BPHL: variants seen among roughly 807,000 people sequenced by gnomAD.
BPHL encodes biphenyl hydrolase like, also known as serine hydrolase BPHL.
A neutral mutation model predicts 31.2 loss-of-function variants in BPHL; 27 were observed. The observed-to-expected ratio is 0.87, with a 90% CI of 0.64 to 1.19. The LOEUF (loss-of-function observed/expected upper bound fraction) is 1.19. Ranked by LOEUF, BPHL falls within the 50% of genes most tolerant of loss-of-function variation. BPHL has a pLI of 0.00. For missense variants in BPHL, 356 were observed against 375.7 expected (o/e 0.95, Z 0.43); for synonymous variants, 150 against 146.8 (o/e 1.02, Z -0.16).
chr6:3,118,706 C>T (rs1212625895), upstream of BPHL: 4 of 1,249,868 alleles, frequency 3.2e-6, no homozygotes, highest in African/African-American at 1.6e-5. Flanking sequence ...GGTCTTAGCG[C>T]ATGCGCACTC....
intron 6 of BPHL, among the ~76,000 whole-genome samples, chr6:3,147,365 G>A (rs1762413169): frequency 6.6e-6 from 1 of 152,184 alleles, no homozygotes; most frequent in South Asian, 2.1e-4. Flanking sequence ...AGAGGACATT[G>A]GGGCATAGCT....
intron 3 of BPHL, among the ~76,000 whole-genome samples, chr6:3,128,383 T>C (rs1306292176): frequency 2.6e-5 from 4 of 152,224 alleles, no homozygotes; most frequent in African/African-American, 9.6e-5. Context: ...TTACACCATT[T>C]TATGGTCCGG....
chr6:3,135,910 C>A lies in BPHL; in HGVS notation c.533-1452C>A, dbSNP rs540217542. On this transcript the variant is annotated intron_variant, in intron 4 of 6. Coordinates refer to ENST00000380379, the MANE Select transcript of BPHL (RefSeq NM_004332.4). ...ACCACAGGATCATACCAGGTTGGGG[C>A]CATTTTTAGCTCAGCTTGATCCAGG... Among the ~76,000 whole-genome samples the A allele has an allele frequency of 2.6e-5, 4 of 152,286 alleles. No homozygotes were observed. In the East Asian group the frequency reaches 7.7e-4, roughly 29 times the overall value.
At chr6:3,150,222 T>A (rs1762483979) in intron 6 of BPHL, 1 of 152,168 alleles carries the variant, frequency 6.6e-6, no homozygotes, top group Non-Finnish European at 1.5e-5. Context: ...GTTACATTGA[T>A]CCAAGGTGAA....
At chr6:3,129,321 G>A (rs1761805261) in intron 4 of BPHL, 123 bp downstream of exon 4, 1 of 1,265,012 alleles carries the variant, frequency 7.9e-7, no homozygotes, top group African/African-American at 1.5e-5. Flanking sequence ...CAACTCTCAG[G>A]TAGGAAGAAT....
rs143248290 is a variant in BPHL, at chr6:3,122,761, C to T, written c.108-896C>T. ...AGTTGACACAGACATATTTTAACATCTTAAAAAACAGTAGGATTTATCCGT... is the reference window on the plus strand; with the variant it reads ...AGTTGACACAGACATATTTTAACATTTTAAAAAACAGTAGGATTTATCCGT... On this transcript the variant is annotated intron_variant, in intron 1 of 6. Transcript: ENST00000380379. Among the ~76,000 whole-genome samples, 589 of 152,286 alleles carry T rather than the reference C, an allele frequency of 3.9e-3. 6 individuals are homozygous for T. Among genetic ancestry groups the T allele is most frequent in the African/African-American group, 0.013 (554 of 41,554 alleles).
Position 3,118,949 on chromosome 6 carries a change from C to T in BPHL, c.107+102C>T, listed in dbSNP as rs183259437. ...AGCAGGAGTTCCCGGCGCGCGGGCA[C>T]GGGGCGTGGGCGCGGCCTGGCTGCC... On this transcript the variant is annotated intron_variant, in intron 1 of 6. Coordinates refer to ENST00000380379, the MANE Select transcript of BPHL (RefSeq NM_004332.4). 3.5e-3 allele frequency: 3,499 copies of T among 1,006,390 alleles called. 15 individuals carry two copies. Among genetic ancestry groups the T allele is most frequent in the Middle Eastern group, 8.6e-3 (24 of 2,786 alleles). 62.3% of individuals were successfully genotyped at this position (1,006,390 alleles called of 1,614,324 possible). A position where few individuals can be genotyped will look rare whatever the true frequency, so the allele number is the denominator to read the frequency against.
chr6:3,135,838 C>G (rs969643569), intron 4 of BPHL, among the ~76,000 whole-genome samples: 2 of 152,150 alleles, frequency 1.3e-5, no homozygotes, highest in Non-Finnish European at 2.9e-5. Context: ...GAGCATAAAT[C>G]GAGAGCGCTT....
At chr6:3,121,520 G>A (rs1761575305) in intron 1 of BPHL, among the ~76,000 whole-genome samples, 1 of 152,004 alleles carries the variant, frequency 6.6e-6, no homozygotes, top group Admixed American at 6.6e-5. Context: ...GGGCAGGATG[G>A]TCTTGATCTC....
chr6:3,132,430 G>A (rs1212319425), intron 4 of BPHL, among the ~76,000 whole-genome samples: 5 of 152,118 alleles, frequency 3.3e-5, no homozygotes, highest in African/African-American at 1.2e-4. Flanking sequence ...CACCCTCAGT[G>A]CTCTGCTCCC....
At chr6:3,141,788 AC>A (rs1364948298) in intron 6 of BPHL, among the ~76,000 whole-genome samples, 8 of 152,032 alleles carry the variant, frequency 5.3e-5, no homozygotes, top group Non-Finnish European at 8.8e-5. Flanking sequence ...AGCCTAGCCA[AC>A]ATGGCGAAAC....
intron 1 of BPHL, among the ~76,000 whole-genome samples, chr6:3,120,078 A>G (rs754816197): frequency 1.3e-5 from 2 of 151,804 alleles, no homozygotes; most frequent in African/African-American, 2.4e-5. Context: ...TCTTTTGCCC[A>G]TGCTGGAGTG....
intron 5 of BPHL, 24 bp downstream of exon 5, chr6:3,137,517 T>A: frequency 6.2e-7 from 1 of 1,613,386 alleles, no homozygotes; most frequent in Non-Finnish European, 8.5e-7. Context: ...CTTGAAGGGC[T>A]CTCTGCCTGT....
At chr6:3,137,591 C>T (rs1465788068) in intron 5 of BPHL, 98 bp downstream of exon 5, 7 of 1,515,314 alleles carry the variant, frequency 4.6e-6, no homozygotes, top group East Asian at 2.3e-5. Flanking sequence ...TGAATCTGCC[C>T]ATCGCCCTCA....
intron 1 of BPHL, 83 bp downstream of exon 1, chr6:3,118,930 A>C: frequency 8.9e-7 from 1 of 1,123,980 alleles, no homozygotes; most frequent in South Asian, 4.3e-5. Flanking sequence ...CGACAGCAGG[A>C]GTTCCCGGCG....
rs956142691 is a variant in BPHL at position 3,140,623 on chromosome 6, T to G, written c.788+114T>G. On this transcript the variant is annotated intron_variant, in intron 6 of 6. Coordinates refer to ENST00000380379, the MANE Select transcript of BPHL (RefSeq NM_004332.4). The surrounding 1 kb of genome is among the most constrained non-coding windows in gnomAD (Gnocchi z 5.2). ...GGAGTTTTAGAGTGCACAGCCCCCC[T>G]TTTGCCAATGCCAGTCAGTAGCACC... is the stretch of plus-strand genomic sequence containing the variant. 6 of 1,476,924 alleles carry G rather than the reference T, an allele frequency of 4.1e-6. No homozygotes were observed. Among genetic ancestry groups the G allele is most frequent in the Non-Finnish European group, 3.7e-6 (4 of 1,092,704 alleles). The allele number at this position is 1,476,924 out of a possible 1,614,324, so 91.5% of individuals were successfully genotyped here.
chr6:3,144,856 G>A (rs1031362980), intron 6 of BPHL, among the ~76,000 whole-genome samples: 2 of 152,238 alleles, frequency 1.3e-5, no homozygotes, highest in African/African-American at 4.8e-5. Context: ...ATGTCTCTGT[G>A]GATGGGCTGG....
intron 6 of BPHL, among the ~76,000 whole-genome samples, chr6:3,147,232 GC>G (rs1207432192): frequency 6.6e-6 from 1 of 152,090 alleles, no homozygotes; most frequent in African/African-American, 2.4e-5. Context: ...CAGCGCTCCA[GC>G]CTGGGTGTAG....
At chr6:3,146,043 G>A (rs557151535) in intron 6 of BPHL, among the ~76,000 whole-genome samples, 3 of 41,312 alleles carry the variant, frequency 7.3e-5, no homozygotes, top group Non-Finnish European at 1.1e-4. Context: ...TTCGGGTGGA[G>A]TGCTGGTTCG....
Sources: gnomAD v4.1 joint callset for allele counts (sites outside exome capture counted in the v4.1 genomes callset) on GRCh38, gnomAD v4.1.1 for gene constraint, Gnocchi (gnomAD v3.1) non-coding constraint, MANE v1.5 for transcripts, NCBI Gene and HGNC (gene_info 2026-07-23, HGNC 2026-07-21) for gene names.